The following ENOPH1 variants were observed in gnomAD, a reference collection of about 807,000 sequenced individuals.
The protein encoded by ENOPH1 is enolase-phosphatase 1, also known as enolase-phosphatase E1.
A neutral mutation model predicts 31.1 loss-of-function variants in ENOPH1; 14 were observed. The observed-to-expected ratio is 0.45, with a 90% CI of 0.30 to 0.70. ENOPH1 has a LOEUF of 0.70. ENOPH1 is among the 30% of genes least tolerant of loss of function. ENOPH1 has a pLI of 0.09. For missense variants in ENOPH1, 243 were observed against 321.5 expected, an observed-to-expected ratio of 0.76 and a Z score of 1.87; for synonymous variants, 127 against 123.2, an observed-to-expected ratio of 1.03 and a Z score of -0.21.
intron 1 of ENOPH1, among the ~76,000 whole-genome samples, chr4:82,446,901 T>G (rs2110042514): frequency 6.8e-6 from 1 of 147,482 alleles, no homozygotes; most frequent in Non-Finnish European, 1.5e-5. Flanking sequence ...AGAGACGGGG[T>G]TTCACCTTGT....
intron 1 of ENOPH1, among the ~76,000 whole-genome samples, chr4:82,433,838 C>T (rs1227783025): frequency 6.6e-6 from 1 of 152,158 alleles, no homozygotes; most frequent in Non-Finnish European, 1.5e-5. Flanking sequence ...ATCTTTTAAA[C>T]ACCTTTTAAA....
chr4:82,460,798 T>C lies in ENOPH1; in HGVS notation c.*678T>C, dbSNP rs539312135. ...ACATCTAAAACAGAGATGTGGTTCT[T>C]AATGTTTAACAGAACAGTTCTAATC... On this transcript the variant is annotated 3_prime_UTR_variant, in exon 6 of 6. Transcript: ENST00000273920. 6.6e-6 allele frequency: 1 copy of C among 152,412 alleles called. No homozygotes were observed. The highest frequency in any genetic ancestry group is 1.9e-4 in the East Asian group (1 of 5,188). The allele number at this position is 152,412 out of a possible 1,614,324, so 9.4% of individuals were successfully genotyped here.
Position 82,430,890 on chromosome 4 carries a change from A to G in ENOPH1, c.61A>G (p.Thr21Ala). Reference sequence around the variant, plus strand: ...GATCCTGTTAGATATCGAAGGTACCACAACCCCGATTGCTTTCGTGAAGGT... The same window carrying G: ...GATCCTGTTAGATATCGAAGGTACCGCAACCCCGATTGCTTTCGTGAAGGT... ...TVILLDIEGT[T>A]TPIAFVKDIL... Residue 21 changes from threonine to alanine, a missense_variant, in exon 1 of 6, where the codon ACA (threonine) becomes GCA (alanine). Physicochemically the swap from Thr to Ala is moderately conservative, Grantham distance 58. Coordinates refer to ENST00000273920, the MANE Select transcript of ENOPH1 (RefSeq NM_021204.5). 1 of 1,614,218 alleles carries G rather than the reference A, an allele frequency of 6.2e-7. No individual in the cohort carries two copies. The highest frequency in any genetic ancestry group is 8.5e-7 in the Non-Finnish European group (1 of 1,180,010).
chr4:82,433,572 C>G (rs1204521623), intron 1 of ENOPH1, among the ~76,000 whole-genome samples: 1 of 151,904 alleles, frequency 6.6e-6, no homozygotes, highest in Non-Finnish European at 1.5e-5. Context: ...ACCATTTTTC[C>G]TAAAAGTATG....
At chr4:82,434,822 G>T (rs182057902) in intron 1 of ENOPH1, among the ~76,000 whole-genome samples, 1 of 151,868 alleles carries the variant, frequency 6.6e-6, no homozygotes, top group African/African-American at 2.4e-5. Context: ...TGGGAGAATC[G>T]CTTGTACCTG....
In ENOPH1 at chr4:82,430,859, C is replaced by A; in HGVS notation, c.30C>A (p.Val10=). 6.2e-7 allele frequency: 1 copy of A among 1,614,196 alleles called. No individual in the cohort carries two copies. Among genetic ancestry groups the A allele is most frequent in the East Asian group, 2.2e-5 (1 of 44,890 alleles). The change falls in exon 1 of 6, where the codon GTC becomes GTA. Residue 10 remains valine (V), a synonymous_variant. Coordinates refer to ENST00000273920, the MANE Select transcript of ENOPH1 (RefSeq NM_021204.5). ...TCGTGCTTTCGGTCCCCGCCGAAGT[C>A]ACCGTGATCCTGTTAGATATCGAAG... MVVLSVPAE[V]TVILLDIEGT...
intron 3 of ENOPH1, 101 bp downstream of exon 3, chr4:82,451,346 C>A: frequency 8.8e-7 from 1 of 1,134,258 alleles, no homozygotes. Flanking sequence ...ACTGGTAAAA[C>A]AGATAAAAAT....
intron 1 of ENOPH1, 123 bp downstream of exon 1, chr4:82,431,036 T>A: frequency 1.2e-6 from 1 of 825,576 alleles, no homozygotes; most frequent in Non-Finnish European, 2.0e-6. Flanking sequence ...GCCTCTTGTG[T>A]GGAATGGGGA....
intron 5 of ENOPH1, among the ~76,000 whole-genome samples, chr4:82,458,904 A>G (rs1442114268): frequency 6.6e-6 from 1 of 152,004 alleles, no homozygotes; most frequent in African/African-American, 2.4e-5. Context: ...CAGAACAGAA[A>G]GCAGGCACTT....
intron 4 of ENOPH1, among the ~76,000 whole-genome samples, 165 bp from the exon 5 acceptor site, chr4:82,456,749 AT>A (rs1722500618): frequency 6.6e-6 from 1 of 152,226 alleles, no homozygotes; most frequent in African/African-American, 2.4e-5. Context: ...TTGCTATAAA[AT>A]CTTTATTTTT....
chr4:82,433,198 G>A (rs1721821310), intron 1 of ENOPH1, among the ~76,000 whole-genome samples: 1 of 152,046 alleles, frequency 6.6e-6, no homozygotes, highest in Non-Finnish European at 1.5e-5. Context: ...GTAGATTTGG[G>A]GAGTAAGAAA....
At position 82,456,542 on chromosome 4, in the gene ENOPH1, C is replaced by T. The variant is rs906195974; in HGVS notation, c.523-373C>T. Among the ~76,000 whole-genome samples, 4 of 152,156 alleles carry T rather than the reference C, an allele frequency of 2.6e-5. No homozygotes were observed. The South Asian group carries it at 8.3e-4, about 31-fold the overall frequency. Reference sequence around the variant, plus strand: ...ATTTTTTCATCGTAAGATTAAAGGACAGTGTTCAGAATCTTTCATCAGGAG... The same window carrying T: ...ATTTTTTCATCGTAAGATTAAAGGATAGTGTTCAGAATCTTTCATCAGGAG... On this transcript the variant is annotated intron_variant, in intron 4 of 5. Transcript: ENST00000273920.
chr4:82,451,185 T>A lies in ENOPH1; in HGVS notation c.329T>A (p.Leu110His). ...TCCCTGGATCGAAAGACCACTGCACTCAAACAGCTGCAGGGCCACATGTGG... is the reference window on the plus strand; with the variant it reads ...TCCCTGGATCGAAAGACCACTGCACACAAACAGCTGCAGGGCCACATGTGG... Reference protein sequence around the residue: ...QMSLDRKTTALKQLQGHMWRA... With the variant: ...QMSLDRKTTAHKQLQGHMWRA... The change falls in exon 3 of 6, where the codon CTC (leucine) becomes CAC (histidine). Residue 110 changes from leucine (L) to histidine (H), a missense_variant. Coordinates refer to ENST00000273920, the MANE Select transcript of ENOPH1 (RefSeq NM_021204.5). 1 of 1,614,178 alleles carries A rather than the reference T, an allele frequency of 6.2e-7. No individual in the cohort carries two copies. The highest frequency in any genetic ancestry group is 8.5e-7 in the Non-Finnish European group (1 of 1,180,040).
At chr4:82,455,767 T>C (rs556759473) in intron 4 of ENOPH1, among the ~76,000 whole-genome samples, 9 of 151,684 alleles carry the variant, frequency 5.9e-5, no homozygotes, top group South Asian at 4.2e-4. Flanking sequence ...GCCTGGGCGA[T>C]AGAGTGAGAT....
intron 1 of ENOPH1, among the ~76,000 whole-genome samples, chr4:82,447,554 G>A (rs1226022518): frequency 6.6e-6 from 1 of 152,228 alleles, no homozygotes; most frequent in Non-Finnish European, 1.5e-5. Flanking sequence ...GGACCAGACA[G>A]TGAATATTTT....
rs191077177 is a variant in ENOPH1 at position 82,434,815 on chromosome 4, G to A, written c.84+3902G>A. 7.2e-5 allele frequency among the ~76,000 whole-genome samples: 11 copies of A among 152,052 alleles called. No individual in the cohort carries two copies. In the East Asian group the frequency reaches 2.1e-3, roughly 29 times the overall value. On this transcript the variant is annotated intron_variant, in intron 1 of 5. Transcript: ENST00000273920. Reference sequence around the variant, plus strand: ...CCAGCTACTGGGGAGGCTGAGGTGGGAGAATCGCTTGTACCTGGGAGGCGG... The same window carrying A: ...CCAGCTACTGGGGAGGCTGAGGTGGAAGAATCGCTTGTACCTGGGAGGCGG...
At chr4:82,456,851 A>G in intron 4 of ENOPH1, 64 bp from the exon 5 acceptor site, 1 of 1,566,330 alleles carries the variant, frequency 6.4e-7, no homozygotes, top group Admixed American at 1.8e-5. Context: ...TGTATTTCAG[A>G]GAAAGGCATG....
chr4:82,432,798 C>G (rs1235098399), intron 1 of ENOPH1, among the ~76,000 whole-genome samples: 2 of 152,034 alleles, frequency 1.3e-5, no homozygotes, highest in Non-Finnish European at 2.9e-5. Context: ...CACCACCACG[C>G]CCGGCTAATT....
At position 82,460,098 on chromosome 4, in the gene ENOPH1, T is replaced by C. The variant is rs1421331470; in HGVS notation, c.764T>C (p.Leu255Pro). 6.2e-7 allele frequency: 1 copy of C among 1,614,240 alleles called. No individual in the cohort carries two copies. Among genetic ancestry groups the C allele is most frequent in the Non-Finnish European group, 8.5e-7 (1 of 1,180,038 alleles). The change falls in exon 6 of 6, where the codon CTA becomes CCA. Residue 255 changes from leucine (L) to proline (P), a missense_variant. Leu to Pro is a moderately conservative substitution (Grantham distance 98). Coordinates refer to ENST00000273920, the MANE Select transcript of ENOPH1 (RefSeq NM_021204.5). ...YYSLITSFSE[L>P]YLPSST Reference sequence around the variant, plus strand: ...AGCCTCATCACATCCTTCAGTGAACTATACCTGCCTTCCTCAACCTAGAGA... The same window carrying C: ...AGCCTCATCACATCCTTCAGTGAACCATACCTGCCTTCCTCAACCTAGAGA...
Sources: gnomAD v4.1 joint callset for allele counts (sites outside exome capture counted in the v4.1 genomes callset) on GRCh38, gnomAD v4.1.1 for gene constraint, MANE v1.5 for transcripts, NCBI Gene and HGNC (gene_info 2026-07-23, HGNC 2026-07-21) for gene names.